Variants in DEPDC5 observed in about 807,000 individuals in gnomAD.
The protein encoded by DEPDC5 is GATOR1 complex protein DEPDC5.
A neutral mutation model predicts 217.3 loss-of-function variants in DEPDC5; 73 were observed. The ratio of observed to expected loss-of-function variants is 0.34; its 90% CI spans 0.28 to 0.41. The LOEUF is 0.41. Ranked by LOEUF, DEPDC5 falls within the 10% of genes least tolerant of loss-of-function variation. The pLI, the probability that DEPDC5 is intolerant of heterozygous loss-of-function variation, is 1.00. For synonymous variants in DEPDC5, 733 were observed against 756.7 expected, an observed-to-expected ratio of 0.97 and a Z score of 0.51; for missense variants, 1,675 against 2,070.1, an observed-to-expected ratio of 0.81 and a Z score of 3.70.
At chr22:31,885,711 C>G (rs1057151989) in intron 38 of DEPDC5, among the ~76,000 whole-genome samples, 2 of 137,686 alleles carry the variant, frequency 1.5e-5, no homozygotes, top group East Asian at 2.1e-4. Flanking sequence ...GGCAACAGAG[C>G]GAGACTCCAT....
At position 31,778,136 on chromosome 22, in the gene DEPDC5, G is replaced by A; in HGVS notation, c.451G>A (p.Val151Ile). The A allele has an allele frequency of 6.2e-7, 1 of 1,614,162 alleles. No individual in the cohort carries two copies. Among genetic ancestry groups the A allele is most frequent in the Non-Finnish European group, 8.5e-7 (1 of 1,180,022 alleles). ...TGAACTGTGGGTTAAGAATGAGAAG[G>A]TCATGTGTGGCTACATCAGTGAAGA... is the stretch of plus-strand genomic sequence containing the variant. ...AGELWVKNEK[V>I]MCGYISEDTR... is the part of the protein sequence containing the mutation. Residue 151 changes from valine to isoleucine, a missense_variant, in exon 8 of 43, where the codon GTC becomes ATC. Val to Ile is a conservative substitution (Grantham distance 29). Around this residue, in one of 11 missense-constraint regions of DEPDC5, gnomAD observed 628 missense variants for 762.1 expected, o/e 0.82. Coordinates refer to ENST00000651528, the MANE Select transcript of DEPDC5 (RefSeq NM_001242896.3).
chr22:31,882,721 C>T (rs1020515215), intron 38 of DEPDC5, among the ~76,000 whole-genome samples: 16 of 152,040 alleles, frequency 1.1e-4, no homozygotes, highest in African/African-American at 3.6e-4. Context: ...TGGGAAGTAA[C>T]TATCATTTGT....
chr22:31,787,827 A>G (rs1401948997), intron 10 of DEPDC5, among the ~76,000 whole-genome samples: 3 of 151,298 alleles, frequency 2.0e-5, no homozygotes, highest in Non-Finnish European at 4.4e-5. Flanking sequence ...AAAAAAAAAA[A>G]AAAGAAGAAG....
chr22:31,899,882 C>T (rs543867969), intron 40 of DEPDC5, among the ~76,000 whole-genome samples: 30 of 152,238 alleles, frequency 2.0e-4, no homozygotes, highest in African/African-American at 6.7e-4. Flanking sequence ...ACAGCCTTCC[C>T]CAGCCCTCCA....
intron 2 of DEPDC5, among the ~76,000 whole-genome samples, chr22:31,756,277 A>C (rs887449504): frequency 6.6e-6 from 1 of 152,186 alleles, no homozygotes; most frequent in East Asian, 1.9e-4. Context: ...AGGGAAAACA[A>C]TAGTTTCTCT....
chr22:31,893,134 A>G (rs1176624910), intron 38 of DEPDC5, among the ~76,000 whole-genome samples: 1 of 152,038 alleles, frequency 6.6e-6, no homozygotes, highest in Non-Finnish European at 1.5e-5. Flanking sequence ...TCGGCCTCCC[A>G]AAGTGCTGGG....
At chr22:31,774,511 T>C (rs1252301139) in intron 7 of DEPDC5, among the ~76,000 whole-genome samples, 1 of 151,104 alleles carries the variant, frequency 6.6e-6, no homozygotes, top group Non-Finnish European at 1.5e-5. Flanking sequence ...ACCAAGCTTG[T>C]TTTAGAGGTC....
intron 40 of DEPDC5, among the ~76,000 whole-genome samples, chr22:31,900,568 A>G (rs1206835132): frequency 6.6e-6 from 1 of 151,122 alleles, no homozygotes; most frequent in Admixed American, 6.6e-5. Flanking sequence ...TTGAAACTCC[A>G]TCTTTACTAA....
chr22:31,799,008 C>T (rs539362127), intron 14 of DEPDC5, among the ~76,000 whole-genome samples: 18 of 151,146 alleles, frequency 1.2e-4, no homozygotes, highest in Non-Finnish European at 8.8e-5. Context: ...TGCTGTCTTT[C>T]TCAAGAATCT....
chr22:31,841,961 A>AT (rs1272386797), intron 27 of DEPDC5, among the ~76,000 whole-genome samples: 1 of 152,112 alleles, frequency 6.6e-6, no homozygotes, highest in Non-Finnish European at 1.5e-5. Context: ...TTGAGGCATG[A>AT]TTTTTACTCT....
intron 19 of DEPDC5, among the ~76,000 whole-genome samples, 200 bp from the exon 20 acceptor site, chr22:31,810,321 T>C (rs2088127883): frequency 6.6e-6 from 1 of 152,206 alleles, no homozygotes; most frequent in Non-Finnish European, 1.5e-5. Context: ...ATTTAGTCTC[T>C]ACTTGATGAA....
chr22:31,789,006 C>T (rs932185807), intron 10 of DEPDC5, among the ~76,000 whole-genome samples: 4 of 152,160 alleles, frequency 2.6e-5, no homozygotes, highest in Non-Finnish European at 5.9e-5. Context: ...AAGCGATTCT[C>T]GTCCCTCAGC....
intron 36 of DEPDC5, 69 bp downstream of exon 36, chr22:31,874,474 G>A: frequency 6.6e-7 from 1 of 1,510,230 alleles, no homozygotes. Flanking sequence ...TGCCTTAGAA[G>A]CCATCACCCT....
At chr22:31,808,860 C>T (rs964417379) in intron 18 of DEPDC5, among the ~76,000 whole-genome samples, 1 of 151,980 alleles carries the variant, frequency 6.6e-6, no homozygotes, top group African/African-American at 2.4e-5. Flanking sequence ...CCTTTGTACT[C>T]GGCTACCATG....
chr22:31,822,894 T>C, intron 24 of DEPDC5, 104 bp downstream of exon 24: 1 of 1,188,846 alleles, frequency 8.4e-7, no homozygotes. Flanking sequence ...TTTGAGATCA[T>C]TTCAGCCACA....
At chr22:31,833,188 C>A (rs2090733089) in intron 24 of DEPDC5, among the ~76,000 whole-genome samples, 1 of 152,210 alleles carries the variant, frequency 6.6e-6, no homozygotes, top group African/African-American at 2.4e-5. Flanking sequence ...AACCTCAATT[C>A]TTTTTATGGC....
At chr22:31,802,029 TATATATAATATTAAAATA>T (rs1347212081) in intron 14 of DEPDC5, among the ~76,000 whole-genome samples, 1 of 147,736 alleles carries the variant, frequency 6.8e-6, no homozygotes, top group African/African-American at 2.5e-5. Context: ...ATATCATTAA[TATATATAATATTAAAATA>T]ATATATAATA....
At chr22:31,806,934 C>T (rs1238867260) in intron 18 of DEPDC5, among the ~76,000 whole-genome samples, 1 of 152,148 alleles carries the variant, frequency 6.6e-6, no homozygotes, top group Non-Finnish European at 1.5e-5. Context: ...ATTGCCCAAG[C>T]CCAGGAATCC....
At chr22:31,755,512 C>G (rs2075245199) in intron 2 of DEPDC5, 1 of 152,468 alleles carries the variant, frequency 6.6e-6, no homozygotes, top group East Asian at 1.9e-4. Context: ...TGTACCTTAT[C>G]TGAAAGTTGA....
Sources: gnomAD v4.1 joint callset for allele counts (sites outside exome capture counted in the v4.1 genomes callset) on GRCh38, gnomAD v4.1.1 for gene constraint, gnomAD v4.1.1 regional missense constraint, MANE v1.5 for transcripts, NCBI Gene and HGNC (gene_info 2026-07-23, HGNC 2026-07-21) for gene names.